The following LRRC17 variants were observed in gnomAD, a reference collection of about 807,000 sequenced individuals.
The protein encoded by LRRC17 is leucine rich repeat containing 17, also known as leucine-rich repeat-containing protein 17.
LRRC17 carries 33 observed loss-of-function variants against 41.5 expected under a neutral mutation model. That is an observed-to-expected ratio of 0.80 (90% CI 0.60 to 1.06). The LOEUF (loss-of-function observed/expected upper bound fraction) is 1.06, where lower values mean the gene tolerates loss of function less well. Among genes scored for constraint, LRRC17 ranks in the 50% least tolerant of loss-of-function variants. The pLI is 0.00. For missense variants in LRRC17, 491 were observed against 519.3 expected (o/e 0.95, Z 0.53); for synonymous variants, 192 against 197.0 (o/e 0.97, Z 0.21).
intron 1 of LRRC17, chr7:102,926,485 G>A: frequency 1.3e-6 from 1 of 768,062 alleles, no homozygotes; most frequent in East Asian, 2.8e-5. Flanking sequence ...ACATGTAAGA[G>A]TTGGTTTCTT....
intron 1 of LRRC17, chr7:102,926,463 C>T (rs1347246524): frequency 6.0e-6 from 6 of 992,830 alleles, no homozygotes; most frequent in Non-Finnish European, 7.4e-6. Flanking sequence ...TCTTCCTGTT[C>T]CAGAAAAAAA....
At chr7:102,929,504 A>C (rs1818752001) in intron 1 of LRRC17, among the ~76,000 whole-genome samples, 1 of 152,010 alleles carries the variant, frequency 6.6e-6, no homozygotes, top group Admixed American at 6.6e-5. Context: ...TCTACAAAAA[A>C]AATTCAAAAA....
At chr7:102,921,679 C>CA (rs1817064303) in intron 1 of LRRC17, among the ~76,000 whole-genome samples, 1 of 150,522 alleles carries the variant, frequency 6.6e-6, no homozygotes, top group Non-Finnish European at 1.5e-5. Flanking sequence ...GATTCCATCT[C>CA]AAAAAAAATA....
intron 1 of LRRC17, among the ~76,000 whole-genome samples, chr7:102,915,251 G>T (rs1489312878): frequency 6.6e-6 from 1 of 150,892 alleles, no homozygotes; most frequent in Non-Finnish European, 1.5e-5. Flanking sequence ...ACAATTAAAT[G>T]AGAATACAGA....
At position 102,944,175 on chromosome 7, in the gene LRRC17, A is replaced by G. The variant is rs563412113; in HGVS notation, c.929-35A>G. 24 of 1,554,942 alleles carry G rather than the reference A, an allele frequency of 1.5e-5. No individual in the cohort carries two copies. The African/African-American group carries it at 1.9e-4, about 12-fold the overall frequency. ...ATATGCCATACACTGTATTAACTCA[A>G]TTACTCAGGCTCAATAAATATTTTC... On this transcript the variant is annotated intron_variant, in intron 3 of 3. Transcript: ENST00000339431.
At chr7:102,923,416 G>A (rs1284362311) in intron 1 of LRRC17, among the ~76,000 whole-genome samples, 1 of 152,198 alleles carries the variant, frequency 6.6e-6, no homozygotes, top group African/African-American at 2.4e-5. Flanking sequence ...AAAATGTGCA[G>A]TAGCATTTTC....
rs1381980312 is a variant in LRRC17 at position 102,944,418 on chromosome 7, A to G, written c.1137A>G (p.Lys379=). Residue 379 remains lysine (K), a synonymous_variant, in exon 4 of 4, where the codon AAA becomes AAG. Coordinates refer to ENST00000339431, the MANE Select transcript of LRRC17 (RefSeq NM_001031692.3). ...YNVHFNGLEC[K]TPEEYKGWSV... is the part of the protein sequence containing the mutation. ...TCCATTTTAATGGCCTGGAATGCAA[A>G]ACGCCTGAAGAATACAAAGGATGGT... The G allele has an allele frequency of 3.7e-6, 6 of 1,614,092 alleles. No homozygotes were observed. In the African/African-American group the frequency reaches 8.0e-5, roughly 22 times the overall value.
At chr7:102,942,290 G>T in intron 3 of LRRC17, 1 of 1,597,126 alleles carries the variant, frequency 6.3e-7, no homozygotes, top group Non-Finnish European at 8.5e-7. Flanking sequence ...TATATTTCAG[G>T]GTCTTTGAGA....
chr7:102,933,482 C>A (rs950451902), intron 1 of LRRC17: 1 of 153,056 alleles, frequency 6.5e-6, no homozygotes, highest in African/African-American at 2.4e-5. Flanking sequence ...GCATCTTATG[C>A]GCATGAGCCT....
chr7:102,931,026 A>C (rs1456846903), intron 1 of LRRC17, among the ~76,000 whole-genome samples: 1 of 152,228 alleles, frequency 6.6e-6, no homozygotes, highest in East Asian at 1.9e-4. Flanking sequence ...AAGGATACTT[A>C]TCATAGGAAC....
At chr7:102,922,794 A>G (rs1817320056) in intron 1 of LRRC17, among the ~76,000 whole-genome samples, 1 of 152,042 alleles carries the variant, frequency 6.6e-6, no homozygotes, top group African/African-American at 2.4e-5. Context: ...AACACAGTGA[A>G]ACCCCGTCTC....
chr7:102,944,426 A>C lies in LRRC17; in HGVS notation c.1145A>C (p.Glu382Ala). 1 of 1,614,104 alleles carries C rather than the reference A, an allele frequency of 6.2e-7. No homozygotes were observed. Among genetic ancestry groups the C allele is most frequent in the Non-Finnish European group, 8.5e-7 (1 of 1,179,990 alleles). The change falls in exon 4 of 4, where the codon GAA becomes GCA. Residue 382 changes from glutamate to alanine, a missense_variant. Transcript: ENST00000339431. ...HFNGLECKTP[E>A]EYKGWSVGKY... is the part of the protein sequence containing the mutation. ...AATGGCCTGGAATGCAAAACGCCTG[A>C]AGAATACAAAGGATGGTCTGTGGGA...
At chr7:102,921,175 A>G (rs1816938432) in intron 1 of LRRC17, among the ~76,000 whole-genome samples, 1 of 152,148 alleles carries the variant, frequency 6.6e-6, no homozygotes, top group South Asian at 2.1e-4. Context: ...TTCAAGGCAA[A>G]GAAACATCAA....
At chr7:102,923,366 C>T (rs911232309) in intron 1 of LRRC17, among the ~76,000 whole-genome samples, 4 of 152,190 alleles carry the variant, frequency 2.6e-5, no homozygotes, top group African/African-American at 9.6e-5. Context: ...TGGCCAATTC[C>T]AAGCTATCAA....
chr7:102,916,791 T>C (rs1488347680), intron 1 of LRRC17, among the ~76,000 whole-genome samples: 1 of 147,868 alleles, frequency 6.8e-6, no homozygotes, highest in Non-Finnish European at 1.5e-5. Flanking sequence ...CTGTTTCTTA[T>C]GGGGGGGGGT....
chr7:102,933,787 C>A lies in LRRC17; in HGVS notation c.-127C>A, dbSNP rs1340365639. 2 of 981,252 alleles carry A rather than the reference C, an allele frequency of 2.0e-6. No individual in the cohort carries two copies. Among genetic ancestry groups the A allele is most frequent in the South Asian group, 3.6e-5 (2 of 54,892 alleles). The allele number at this position is 981,252 out of a possible 1,614,324, so 60.8% of individuals were successfully genotyped here. A position where few individuals can be genotyped will look rare whatever the true frequency, so the allele number is the denominator to read the frequency against. ...TTTCTCTTCCAGCCTAGGGACTCCACGTACCCCAGCTGGGTCTCATTGTTC... is the reference window on the plus strand; with the variant it reads ...TTTCTCTTCCAGCCTAGGGACTCCAAGTACCCCAGCTGGGTCTCATTGTTC... On this transcript the variant is annotated 5_prime_UTR_variant, in exon 2 of 4. Coordinates refer to ENST00000339431, the MANE Select transcript of LRRC17 (RefSeq NM_001031692.3).
intron 1 of LRRC17, among the ~76,000 whole-genome samples, chr7:102,920,803 G>A (rs1816817893): frequency 6.6e-6 from 1 of 152,130 alleles, no homozygotes; most frequent in Non-Finnish European, 1.5e-5. Flanking sequence ...GAGAAATGTA[G>A]TTATTCCACA....
At position 102,934,221 on chromosome 7, in the gene LRRC17, A is replaced by C; in HGVS notation, c.308A>C (p.Lys103Thr). Reference sequence around the variant, plus strand: ...ACATTGAAGAACAACATGTTTTCCAAGTTTAAAAAGCTGAAAAGCCTGGAT... The same window carrying C: ...ACATTGAAGAACAACATGTTTTCCACGTTTAAAAAGCTGAAAAGCCTGGAT... ...IRTLKNNMFS[K>T]FKKLKSLDLQ... The change falls in exon 2 of 4, where the codon AAG (lysine) becomes ACG (threonine). Residue 103 changes from lysine (K) to threonine (T), a missense_variant. Transcript: ENST00000339431. 1.2e-6 allele frequency: 2 copies of C among 1,614,224 alleles called. No individual in the cohort carries two copies. Among genetic ancestry groups the C allele is most frequent in the Non-Finnish European group, 1.7e-6 (2 of 1,180,044 alleles).
chr7:102,934,945 C>T (rs1355449087), intron 2 of LRRC17, among the ~76,000 whole-genome samples: 1 of 152,200 alleles, frequency 6.6e-6, no homozygotes, highest in African/African-American at 2.4e-5. Flanking sequence ...TTGCACATCG[C>T]AAGCTGTCAC....
Sources: allele counts gnomAD v4.1 joint callset (sites outside exome capture counted in the v4.1 genomes callset), GRCh38; gene constraint gnomAD v4.1.1; transcripts MANE v1.5; gene names NCBI Gene and HGNC (gene_info 2026-07-23, HGNC 2026-07-21).